Variants in PLCH1 observed in about 807,000 individuals in gnomAD.
PLCH1 encodes 1-phosphatidylinositol 4,5-bisphosphate phosphodiesterase eta-1.
In PLCH1, 60 loss-of-function variants were observed where a neutral mutation model predicts 126.7. The observed-to-expected ratio is 0.47, with a 90% CI of 0.38 to 0.59. The LOEUF (loss-of-function observed/expected upper bound fraction) is 0.59, where lower values mean the gene tolerates loss of function less well. Ranked by LOEUF, PLCH1 falls within the 20% of genes least tolerant of loss-of-function variation. PLCH1 has a pLI of 0.00. For synonymous variants in PLCH1, 719 were observed against 734.9 expected (o/e 0.98, Z 0.35); for missense variants, 1,723 against 2,040.0 (o/e 0.84, Z 2.99).
At chr3:155,469,315 G>T (rs1362449216) in intron 21 of PLCH1, among the ~76,000 whole-genome samples, 2 of 152,194 alleles carry the variant, frequency 1.3e-5, no homozygotes, top group South Asian at 4.1e-4. Context: ...AAGGGGTGAT[G>T]GACACACCTG....
chr3:155,499,342 C>T (rs777831494), intron 14 of PLCH1, among the ~76,000 whole-genome samples: 1 of 152,076 alleles, frequency 6.6e-6, no homozygotes, highest in Non-Finnish European at 1.5e-5. Context: ...ACGCATGTTC[C>T]TTCTTTACCA....
chr3:155,697,539 G>C (rs1463195504), intron 2 of PLCH1, among the ~76,000 whole-genome samples: 4 of 152,168 alleles, frequency 2.6e-5, no homozygotes, highest in African/African-American at 9.6e-5. Flanking sequence ...GGTAACATAG[G>C]GGAGCAGCCC....
intron 8 of PLCH1, 32 bp downstream of exon 8, chr3:155,564,883 T>C: frequency 1.4e-6 from 2 of 1,471,340 alleles, no homozygotes; most frequent in Non-Finnish European, 9.5e-7. Context: ...GGGTCACCCA[T>C]ACACACCGGA....
chr3:155,633,518 G>T (rs1449208774), intron 2 of PLCH1, among the ~76,000 whole-genome samples: 1 of 151,990 alleles, frequency 6.6e-6, no homozygotes, highest in Non-Finnish European at 1.5e-5. Flanking sequence ...ATGAGGGTAA[G>T]AATTTTTATA....
chr3:155,579,424 A>G (rs950531559), intron 6 of PLCH1, among the ~76,000 whole-genome samples: 4 of 152,218 alleles, frequency 2.6e-5, no homozygotes, highest in African/African-American at 9.7e-5. Flanking sequence ...CAATATTACT[A>G]TCAAAACCAT....
At chr3:155,462,335 G>A (rs1218586608) in intron 21 of PLCH1, among the ~76,000 whole-genome samples, 3 of 152,098 alleles carry the variant, frequency 2.0e-5, no homozygotes, top group Non-Finnish European at 2.9e-5. Context: ...AACAACTGAC[G>A]GTTGACATCC....
intron 10 of PLCH1, 92 bp from the exon 11 acceptor site, chr3:155,524,096 G>A (rs6440996): frequency 0.72 from 556,717 of 774,008 alleles, 211,186 homozygotes; most frequent in Non-Finnish European, 0.81. Flanking sequence ...TGATGGATGA[G>A]AGGATAAACA....
At chr3:155,673,848 G>A (rs1382555398) in intron 2 of PLCH1, among the ~76,000 whole-genome samples, 1 of 152,168 alleles carries the variant, frequency 6.6e-6, no homozygotes, top group Non-Finnish European at 1.5e-5. Context: ...GTAGCAGATG[G>A]TACCAAAGTT....
At chr3:155,663,648 A>G (rs1742420461) in intron 2 of PLCH1, among the ~76,000 whole-genome samples, 1 of 152,184 alleles carries the variant, frequency 6.6e-6, no homozygotes, top group African/African-American at 2.4e-5. Context: ...TGCCTCACGC[A>G]GGGGCTATGG....
At chr3:155,558,550 T>C (rs994367880) in intron 8 of PLCH1, among the ~76,000 whole-genome samples, 1 of 152,236 alleles carries the variant, frequency 6.6e-6, no homozygotes, top group Admixed American at 6.5e-5. Flanking sequence ...AGTAAGATAT[T>C]CACAATAACT....
intron 21 of PLCH1, among the ~76,000 whole-genome samples, chr3:155,453,576 C>G (rs1712366169): frequency 6.6e-6 from 1 of 151,872 alleles, no homozygotes; most frequent in Non-Finnish European, 1.5e-5. Flanking sequence ...CGCAAAATGA[C>G]TACTTATTCA....
At chr3:155,557,829 A>G (rs1727034444) in intron 8 of PLCH1, among the ~76,000 whole-genome samples, 1 of 152,130 alleles carries the variant, frequency 6.6e-6, no homozygotes, top group African/African-American at 2.4e-5. Flanking sequence ...TTCATAATGG[A>G]GCTTAAAGAC....
chr3:155,639,910 A>G (rs1020114413), intron 2 of PLCH1, among the ~76,000 whole-genome samples: 2 of 151,892 alleles, frequency 1.3e-5, no homozygotes, highest in African/African-American at 2.4e-5. Flanking sequence ...TATGTGTGGT[A>G]CCTCCAGCTT....
rs149928409 is a variant in PLCH1 at position 155,586,109 on chromosome 3, G to A, written c.556C>T (p.Leu186=). ...IEEIHQLMHK[L]NVNLPRRKVR... ...TTTCTTCGGGGCAGATTAACATTCA[G>A]TTTATGCATCAGCTGATGTATCTCT... The change falls in exon 5 of 23, where the codon CTG becomes TTG. Residue 186 remains leucine (L), a synonymous_variant. Transcript: ENST00000460012. The A allele has an allele frequency of 5.0e-6, 8 of 1,613,850 alleles. No homozygotes were observed. Among genetic ancestry groups the A allele is most frequent in the East Asian group, 4.5e-5 (2 of 44,874 alleles).
rs1325194762 is a variant in PLCH1 at position 155,482,395 on chromosome 3, TATGAAG to T, written c.3625_3630del (p.Leu1209_His1210del). 6.2e-7 allele frequency: 1 copy of T among 1,614,006 alleles called. No homozygotes were observed. Among genetic ancestry groups the T allele is most frequent in the African/African-American group, 1.3e-5 (1 of 74,894 alleles). On this transcript the variant is annotated inframe_deletion, in exon 23 of 23. Coordinates refer to ENST00000460012, the MANE Select transcript of PLCH1 (RefSeq NM_014996.4). ...CAATGGCCTGACATCACACTGGTAT[TATGAAG>T]ATGAGAAACAACTGTGAGAGCCTGA...
intron 21 of PLCH1, among the ~76,000 whole-genome samples, chr3:155,462,512 C>T (rs1382177839): frequency 3.3e-5 from 5 of 152,126 alleles, no homozygotes; most frequent in Non-Finnish European, 5.9e-5. Flanking sequence ...AAACTGACCA[C>T]GATCTGGAAG....
At chr3:155,602,722 A>G (rs139693982) in intron 2 of PLCH1, among the ~76,000 whole-genome samples, 1 of 152,320 alleles carries the variant, frequency 6.6e-6, no homozygotes, top group African/African-American at 2.4e-5. Context: ...AAAATATGGT[A>G]TTATAATCTC....
intron 2 of PLCH1, among the ~76,000 whole-genome samples, chr3:155,673,334 A>G (rs1743726897): frequency 6.6e-6 from 1 of 152,086 alleles, no homozygotes; most frequent in Non-Finnish European, 1.5e-5. Context: ...AGAAGTTACT[A>G]CAAGAGAGCT....
chr3:155,597,830 T>A (rs1733176034), intron 2 of PLCH1, among the ~76,000 whole-genome samples: 1 of 152,154 alleles, frequency 6.6e-6, no homozygotes, highest in Non-Finnish European at 1.5e-5. Context: ...ACAAAGAAGA[T>A]GAAGTATAGG....
Sources: allele counts gnomAD v4.1 joint callset (sites outside exome capture counted in the v4.1 genomes callset), GRCh38; gene constraint gnomAD v4.1.1; transcripts MANE v1.5; gene names NCBI Gene and HGNC (gene_info 2026-07-23, HGNC 2026-07-21).